The following RNF13 variants were observed in gnomAD, a reference collection of about 807,000 sequenced individuals.
RNF13 encodes the protein ring finger protein 13.
In RNF13, 19 loss-of-function variants were observed where a neutral mutation model predicts 37.7. That is an observed-to-expected ratio of 0.50 (90% CI 0.35 to 0.74). The LOEUF is 0.74. Among genes scored for constraint, RNF13 ranks in the 30% least tolerant of loss-of-function variants. The pLI is 0.01. For synonymous variants in RNF13, 144 were observed against 157.8 expected (o/e 0.91, Z 0.65); for missense variants, 375 against 453.0 (o/e 0.83, Z 1.56).
chr3:149,935,553 G>C (rs1019791783), intron 8 of RNF13, among the ~76,000 whole-genome samples: 1 of 151,208 alleles, frequency 6.6e-6, no homozygotes, highest in African/African-American at 2.4e-5. Flanking sequence ...ACCTATTATA[G>C]GTGTTTTGCT....
At chr3:149,864,531 C>T (rs572865370) in intron 3 of RNF13, among the ~76,000 whole-genome samples, 13 of 152,222 alleles carry the variant, frequency 8.5e-5, no homozygotes, top group African/African-American at 2.9e-4. Flanking sequence ...TCCTCCAGAG[C>T]GCACATTCAT....
At chr3:149,857,585 T>G (rs1723775630) in intron 3 of RNF13, among the ~76,000 whole-genome samples, 1 of 152,220 alleles carries the variant, frequency 6.6e-6, no homozygotes, top group South Asian at 2.1e-4. Flanking sequence ...ATTTATATGT[T>G]TTGGCAAAAT....
intron 4 of RNF13, among the ~76,000 whole-genome samples, chr3:149,894,634 A>G (rs1715052368): frequency 6.6e-6 from 1 of 152,144 alleles, no homozygotes; most frequent in Non-Finnish European, 1.5e-5. Context: ...GTTTCTTACT[A>G]TCATTAGTAT....
chr3:149,889,214 G>A (rs1445215996), intron 4 of RNF13, among the ~76,000 whole-genome samples: 1 of 150,940 alleles, frequency 6.6e-6, no homozygotes, highest in African/African-American at 2.4e-5. Flanking sequence ...TGGGATTACA[G>A]GCGTGAGCCA....
At chr3:149,898,875 C>T (rs969204323) in intron 5 of RNF13, among the ~76,000 whole-genome samples, 1 of 152,066 alleles carries the variant, frequency 6.6e-6, no homozygotes, top group African/African-American at 2.4e-5. Flanking sequence ...ATAGGGTGGT[C>T]AGAGAAAGCT....
At position 149,872,055 on chromosome 3, in the gene RNF13, G is replaced by C. The variant is rs1712131285; in HGVS notation, c.222G>C (p.Glu74Asp). Residue 74 changes from glutamate to aspartate, a missense_variant, in exon 4 of 10, where the codon GAG (glutamate) becomes GAC (aspartate). Physicochemically the swap from Glu to Asp is conservative, Grantham distance 45. Transcript: ENST00000392894. ...LKGFLINSKP[E>D]NACEPIVPPP... ...GTTTTTTGATTAACTCAAAACCAGAGAATGCCTGTGAACCCATAGTGCCTC... is the reference window on the plus strand; with the variant it reads ...GTTTTTTGATTAACTCAAAACCAGACAATGCCTGTGAACCCATAGTGCCTC... 1 of 1,602,934 alleles carries C rather than the reference G, an allele frequency of 6.2e-7. No individual in the cohort carries two copies.
chr3:149,875,541 C>T (rs1712583113), intron 4 of RNF13, among the ~76,000 whole-genome samples: 1 of 152,100 alleles, frequency 6.6e-6, no homozygotes, highest in Non-Finnish European at 1.5e-5. Context: ...TCAAAGATAG[C>T]CACGAAGGCA....
chr3:149,852,409 G>A, intron 2 of RNF13, 107 bp from the exon 3 acceptor site: 1 of 474,470 alleles, frequency 2.1e-6, no homozygotes, highest in South Asian at 4.4e-5. Flanking sequence ...AGCTGTGATA[G>A]TAATCAGAAT....
In RNF13 at chr3:149,816,593, T is replaced by C. The variant is rs566285962; in HGVS notation, c.-17+3240T>C. Among the ~76,000 whole-genome samples the C allele has an allele frequency of 2.6e-5, 4 of 151,076 alleles. 1 individual carries two copies. The South Asian group carries it at 8.4e-4, about 32-fold the overall frequency. The stretch of plus-strand genomic sequence containing the variant: ...TTGAAGGAGGGTGGAAAAAAAAAAG[T>C]TCCACATAAGGACACTGCCCAAGCA... On this transcript the variant is annotated intron_variant, in intron 1 of 9. Transcript: ENST00000392894.
At chr3:149,859,737 A>G (rs1347737850) in intron 3 of RNF13, among the ~76,000 whole-genome samples, 1 of 152,218 alleles carries the variant, frequency 6.6e-6, no homozygotes, top group Non-Finnish European at 1.5e-5. Flanking sequence ...AAGATGATAT[A>G]GATATGAAAA....
intron 5 of RNF13, among the ~76,000 whole-genome samples, chr3:149,899,456 T>TTGAA (rs1376664921): frequency 2.8e-4 from 43 of 152,040 alleles, no homozygotes; most frequent in African/African-American, 7.0e-4. Flanking sequence ...CTCCAAATGA[T>TTGAA]TGAATGAATG....
intron 3 of RNF13, among the ~76,000 whole-genome samples, chr3:149,869,496 C>A (rs973258069): frequency 1.6e-4 from 24 of 151,078 alleles, no homozygotes; most frequent in African/African-American, 5.8e-4. Flanking sequence ...GTCCCAGCTA[C>A]TTGGGAGGCT....
At chr3:149,896,484 T>A (rs1392019793) in intron 5 of RNF13, among the ~76,000 whole-genome samples, 1 of 140,776 alleles carries the variant, frequency 7.1e-6, no homozygotes, top group Non-Finnish European at 1.5e-5. Context: ...TTCTTCTTTA[T>A]TTTTTTTTTT....
At position 149,824,961 on chromosome 3, in the gene RNF13, ATT is replaced by A. The variant is rs113884325; in HGVS notation, c.-17+11623_-17+11624del. On this transcript the variant is annotated intron_variant, in intron 1 of 9. Transcript: ENST00000392894. ...TAGTACCTGTTAGTTATTTTTCCTG[ATT>A]TTTTTTTTTTTTTTAAGATACAAAG... Among the ~76,000 whole-genome samples, 385 of 137,930 alleles carry A rather than the reference ATT, an allele frequency of 2.8e-3. 1 individual carries two copies. The highest frequency in any genetic ancestry group is 4.5e-3 in the Non-Finnish European group (285 of 62,980). The allele number at this position is 137,930 out of a possible 152,430, so 90.5% of individuals were successfully genotyped here. A position where few individuals can be genotyped will look rare whatever the true frequency, so the allele number is the denominator to read the frequency against.
chr3:149,861,227 G>T (rs1312917214), intron 3 of RNF13, among the ~76,000 whole-genome samples: 1 of 151,796 alleles, frequency 6.6e-6, no homozygotes, highest in South Asian at 2.1e-4. Flanking sequence ...ACTTAAAAGG[G>T]GGTGGGGGAG....
chr3:149,957,972 A>G lies in RNF13; in HGVS notation c.701-2084A>G, dbSNP rs534643463. Among the ~76,000 whole-genome samples, 8 of 152,272 alleles carry G rather than the reference A, an allele frequency of 5.3e-5. No individual in the cohort carries two copies. The South Asian group carries it at 1.7e-3, about 32-fold the overall frequency. ...GCTCCAGTTTGGTCCATGATCACAAACTGTACCTTGGAATCTTGACCTGTC... is the reference window on the plus strand; with the variant it reads ...GCTCCAGTTTGGTCCATGATCACAAGCTGTACCTTGGAATCTTGACCTGTC... On this transcript the variant is annotated intron_variant, in intron 8 of 9. Coordinates refer to ENST00000392894, the MANE Select transcript of RNF13 (RefSeq NM_183381.3).
In RNF13 at chr3:149,933,312, T is replaced by C. The variant is rs181050898; in HGVS notation, c.700+12085T>C. Among the ~76,000 whole-genome samples, 405 of 151,530 alleles carry C rather than the reference T, an allele frequency of 2.7e-3. 1 individual carries two copies. Among genetic ancestry groups the C allele is most frequent in the Middle Eastern group, 0.01 (3 of 292 alleles). ...TGGATATTAGCACTTGGCTCTTTTTTAGTAATGCTAATCTATCTAGCAAGT... is the reference window on the plus strand; with the variant it reads ...TGGATATTAGCACTTGGCTCTTTTTCAGTAATGCTAATCTATCTAGCAAGT... On this transcript the variant is annotated intron_variant, in intron 8 of 9. Coordinates refer to ENST00000392894, the MANE Select transcript of RNF13 (RefSeq NM_183381.3).
chr3:149,939,389 T>C, intron 8 of RNF13: 1 of 503,736 alleles, frequency 2.0e-6, no homozygotes, highest in Non-Finnish European at 3.8e-6. Context: ...GCTTTCCAGA[T>C]AAACTTGAGT....
At chr3:149,882,927 C>T (rs1288065138) in intron 4 of RNF13, among the ~76,000 whole-genome samples, 1 of 152,126 alleles carries the variant, frequency 6.6e-6, no homozygotes, top group Non-Finnish European at 1.5e-5. Context: ...TACAGGTATA[C>T]TTCTGAAGTT....
Sources: gnomAD v4.1 joint callset for allele counts (sites outside exome capture counted in the v4.1 genomes callset) on GRCh38, gnomAD v4.1.1 for gene constraint, MANE v1.5 for transcripts, NCBI Gene and HGNC (gene_info 2026-07-23, HGNC 2026-07-21) for gene names.